The following ERP44 variants were observed in gnomAD, a reference collection of about 807,000 sequenced individuals.
ERP44 encodes the protein endoplasmic reticulum resident protein 44.
Under a neutral mutation model 53.4 loss-of-function variants are expected in ERP44, and 25 were observed. That is an observed-to-expected ratio of 0.47 (90% CI 0.34 to 0.65). The LOEUF (loss-of-function observed/expected upper bound fraction) is 0.65, where lower values mean the gene tolerates loss of function less well. Among genes scored for constraint, ERP44 ranks in the 30% least tolerant of loss-of-function variants. The pLI is 0.01. For missense variants in ERP44, 338 were observed against 493.2 expected, an observed-to-expected ratio of 0.69 and a Z score of 2.98; for synonymous variants, 145 against 161.2, an observed-to-expected ratio of 0.90 and a Z score of 0.76.
intron 3 of ERP44, among the ~76,000 whole-genome samples, chr9:100,054,244 T>C (rs1186903537): frequency 2.0e-5 from 3 of 152,154 alleles, no homozygotes; most frequent in Non-Finnish European, 4.4e-5. Flanking sequence ...AATCAATAAA[T>C]TGATAGAATG....
intron 4 of ERP44, among the ~76,000 whole-genome samples, chr9:100,034,250 T>G (rs1460825574): frequency 6.6e-6 from 1 of 152,150 alleles, no homozygotes; most frequent in Non-Finnish European, 1.5e-5. Context: ...CTGGTCATCC[T>G]CAGTGCTCAT....
rs576718114 is a variant in ERP44, at chr9:99,999,615, T to C, written c.1016+6891A>G. On this transcript the variant is annotated intron_variant, in intron 10 of 11. Transcript: ENST00000262455. ...TCAGATGTATGGTTTGCAAATCCTT[T>C]TTCCCATTCTGTAGGTTGTTTTTTT... Among the ~76,000 whole-genome samples, 3 of 152,340 alleles carry C rather than the reference T, an allele frequency of 2.0e-5. No homozygotes were observed. The South Asian group carries it at 6.2e-4, about 32-fold the overall frequency.
chr9:100,015,275 A>G (rs1260072120), intron 8 of ERP44, among the ~76,000 whole-genome samples: 2 of 152,266 alleles, frequency 1.3e-5, no homozygotes, highest in African/African-American at 4.8e-5. Context: ...TGAAGTGTAT[A>G]TGCATACACA....
At chr9:99,997,010 T>C (rs28761221) in intron 10 of ERP44, among the ~76,000 whole-genome samples, 5 of 151,310 alleles carry the variant, frequency 3.3e-5, no homozygotes, top group African/African-American at 1.2e-4. Context: ...TATATATATA[T>C]GCACATATAC....
chr9:100,057,872 G>C lies in ERP44; in HGVS notation c.131-13C>G. On this transcript the variant is annotated splice_polypyrimidine_tract_variant and intron_variant, in intron 2 of 11. Transcript: ENST00000262455. ...ACATCAGCATTGTCTGAAATTGAAA[G>C]ACAAAACCAAATAAGATATTTGTAA... 6.4e-7 allele frequency: 1 copy of C among 1,565,120 alleles called. No homozygotes were observed. The highest frequency in any genetic ancestry group is 8.8e-7 in the Non-Finnish European group (1 of 1,141,672).
chr9:100,060,088 T>C lies in ERP44; in HGVS notation c.130+12A>G. 1 of 1,443,474 alleles carries C rather than the reference T, an allele frequency of 6.9e-7. No homozygotes were observed. The highest frequency in any genetic ancestry group is 9.1e-7 in the Non-Finnish European group (1 of 1,096,470). 89.4% of individuals were successfully genotyped at this position (1,443,474 alleles called of 1,614,324 possible). ...AAGAAAGAGTACACTTTAAAAATAT[T>C]GAGGTACTTACTTAAAATTTCATCT... On this transcript the variant is annotated intron_variant, in intron 2 of 11. Coordinates refer to ENST00000262455, the MANE Select transcript of ERP44 (RefSeq NM_015051.3).
intron 10 of ERP44, among the ~76,000 whole-genome samples, chr9:99,999,300 ATTAT>A (rs923816721): frequency 6.6e-6 from 1 of 151,708 alleles, no homozygotes; most frequent in Non-Finnish European, 1.5e-5. Flanking sequence ...TTTTGATGAG[ATTAT>A]TTGTTTTTTT....
intron 1 of ERP44, among the ~76,000 whole-genome samples, chr9:100,075,933 C>T (rs988566905): frequency 2.6e-5 from 4 of 152,128 alleles, no homozygotes; most frequent in Non-Finnish European, 5.9e-5. Flanking sequence ...GGCCATATAA[C>T]CCAGCAGATC....
intron 10 of ERP44, among the ~76,000 whole-genome samples, chr9:100,004,390 G>A (rs1187252654): frequency 6.6e-6 from 1 of 152,182 alleles, no homozygotes; most frequent in Non-Finnish European, 1.5e-5. Context: ...GCTGGAATAG[G>A]TCCAGAGACT....
intron 1 of ERP44, among the ~76,000 whole-genome samples, chr9:100,068,318 T>C (rs1434556804): frequency 8.2e-6 from 1 of 121,796 alleles, no homozygotes; most frequent in Non-Finnish European, 1.7e-5. Context: ...AGCTGCCCCG[T>C]CCGGGAGGGA....
At chr9:100,053,926 A>G (rs1437329648) in intron 3 of ERP44, among the ~76,000 whole-genome samples, 2 of 152,238 alleles carry the variant, frequency 1.3e-5, no homozygotes, top group Non-Finnish European at 2.9e-5. Context: ...ATTAGTTCAT[A>G]CATATTAGCT....
At chr9:100,055,218 T>G (rs1041003209) in intron 3 of ERP44, among the ~76,000 whole-genome samples, 37 of 151,964 alleles carry the variant, frequency 2.4e-4, no homozygotes, top group Admixed American at 1.2e-3. Flanking sequence ...TACAAAAATA[T>G]AGTTAGAATG....
chr9:100,063,560 G>C (rs533572088), intron 1 of ERP44, among the ~76,000 whole-genome samples: 1 of 152,214 alleles, frequency 6.6e-6, no homozygotes, highest in East Asian at 1.9e-4. Flanking sequence ...TATGACTCCA[G>C]ACCATAAAGC....
intron 4 of ERP44, among the ~76,000 whole-genome samples, chr9:100,031,704 T>A (rs1404870362): frequency 6.6e-6 from 1 of 152,092 alleles, no homozygotes; most frequent in Non-Finnish European, 1.5e-5. Flanking sequence ...AAGAGTGCTA[T>A]GGTTAAAAGT....
At chr9:100,069,480 T>C (rs1826276265) in intron 1 of ERP44, among the ~76,000 whole-genome samples, 1 of 152,148 alleles carries the variant, frequency 6.6e-6, no homozygotes, top group South Asian at 2.1e-4. Context: ...AGGCTGTCTC[T>C]CCCTACTTGG....
At chr9:100,052,762 A>G (rs551455583) in intron 3 of ERP44, among the ~76,000 whole-genome samples, 11 of 152,282 alleles carry the variant, frequency 7.2e-5, no homozygotes, top group Admixed American at 5.9e-4. Context: ...GGTTTTATTC[A>G]TCTTAAGACA....
chr9:100,092,108 C>T (rs1382041642), intron 1 of ERP44, among the ~76,000 whole-genome samples: 1 of 152,184 alleles, frequency 6.6e-6, no homozygotes, highest in Non-Finnish European at 1.5e-5. Flanking sequence ...AACAAAGATA[C>T]AGATTAAGTT....
At chr9:100,071,847 G>T (rs1452809724) in intron 1 of ERP44, among the ~76,000 whole-genome samples, 1 of 152,136 alleles carries the variant, frequency 6.6e-6, no homozygotes, top group Non-Finnish European at 1.5e-5. Flanking sequence ...CTTTAACCCG[G>T]GAGGTGGAAG....
chr9:100,022,043 T>G lies in ERP44; in HGVS notation c.470A>C (p.Asp157Ala), dbSNP rs746242497. The G allele has an allele frequency of 6.2e-7, 1 of 1,610,706 alleles. No homozygotes were observed. Among genetic ancestry groups the G allele is most frequent in the Non-Finnish European group, 8.5e-7 (1 of 1,178,700 alleles). ...IRDLAEITTL[D>A]RSKRNIIGYF... is the part of the protein sequence containing the mutation. ...AATCTAGCAAAAGTTACAACTTACA[T>G]CAAGAGTGGTGATTTCTGCTAAGTC... Residue 157 changes from aspartate (D) to alanine (A), a missense_variant and splice_region_variant, in exon 5 of 12, where the codon GAT (aspartate) becomes GCT (alanine). Transcript: ENST00000262455.
Sources: allele counts gnomAD v4.1 joint callset (sites outside exome capture counted in the v4.1 genomes callset), GRCh38; gene constraint gnomAD v4.1.1; transcripts MANE v1.5; gene names NCBI Gene and HGNC (gene_info 2026-07-23, HGNC 2026-07-21).